Variants in ARHGEF4 observed in about 807,000 individuals in gnomAD.
ARHGEF4 encodes the protein Rho guanine nucleotide exchange factor 4, also known as APC-stimulated guanine nucleotide exchange factor 1.
A neutral mutation model predicts 162.0 loss-of-function variants in ARHGEF4; 119 were observed. The ratio of observed to expected loss-of-function variants is 0.73; its 90% confidence interval spans 0.63 to 0.86. The LOEUF (loss-of-function observed/expected upper bound fraction) is 0.86, where lower values mean the gene tolerates loss of function less well. ARHGEF4 is among the 40% of genes least tolerant of loss of function. The pLI is 0.00. For synonymous variants in ARHGEF4, 1,014 were observed against 979.9 expected, an observed-to-expected ratio of 1.03 and a Z score of -0.65; for missense variants, 2,488 against 2,456.0, an observed-to-expected ratio of 1.01 and a Z score of -0.28.
At chr2:130,877,122 G>A (rs1204272938) in intron 1 of ARHGEF4, among the ~76,000 whole-genome samples, 1 of 152,186 alleles carries the variant, frequency 6.6e-6, no homozygotes, top group Non-Finnish European at 1.5e-5. Flanking sequence ...ATGCCCTCCA[G>A]CTCACAGGGA....
chr2:130,942,215 T>A (rs1683352119), intron 3 of ARHGEF4, among the ~76,000 whole-genome samples: 1 of 148,660 alleles, frequency 6.7e-6, no homozygotes, highest in Non-Finnish European at 1.5e-5. Flanking sequence ...AGTGGTGTGA[T>A]ACCAGCTCAT....
intron 4 of ARHGEF4, among the ~76,000 whole-genome samples, chr2:130,947,800 G>C (rs6724388): frequency 0.98 from 149,584 of 152,308 alleles, 73,504 homozygotes; most frequent in Middle Eastern, 1. Flanking sequence ...GCTCAAGGCA[G>C]ATCTGTCTTC....
chr2:131,005,034 C>T (rs1483065192), intron 4 of ARHGEF4, among the ~76,000 whole-genome samples: 3 of 152,174 alleles, frequency 2.0e-5, no homozygotes, highest in Non-Finnish European at 4.4e-5. Flanking sequence ...GGAACAGCTG[C>T]AGCAAAGGGG....
At chr2:130,855,541 G>A (rs546919147) in intron 1 of ARHGEF4, among the ~76,000 whole-genome samples, 2 of 152,292 alleles carry the variant, frequency 1.3e-5, no homozygotes, top group East Asian at 1.9e-4. Flanking sequence ...GACAACCCAC[G>A]TGAAGTGTTA....
intron 4 of ARHGEF4, among the ~76,000 whole-genome samples, chr2:130,980,167 C>T (rs921496135): frequency 5.9e-5 from 9 of 152,126 alleles, no homozygotes; most frequent in African/African-American, 2.2e-4. Flanking sequence ...GATGCCGAGG[C>T]AGGTGGATCA....
chr2:131,034,955 C>A (rs1355624059), intron 5 of ARHGEF4: 3 of 983,048 alleles, frequency 3.1e-6, no homozygotes, highest in Non-Finnish European at 3.6e-6. Flanking sequence ...AGGCGCCGCG[C>A]GCACGGCGCC....
chr2:130,883,132 A>T (rs1052505697), intron 1 of ARHGEF4, among the ~76,000 whole-genome samples: 4 of 152,030 alleles, frequency 2.6e-5, no homozygotes, highest in African/African-American at 9.7e-5. Context: ...GAGATGCCAG[A>T]ACCTCTGTGC....
chr2:130,869,319 T>C (rs921686694), intron 1 of ARHGEF4, among the ~76,000 whole-genome samples: 5 of 152,110 alleles, frequency 3.3e-5, no homozygotes, highest in Non-Finnish European at 5.9e-5. Flanking sequence ...GAAAGAACAC[T>C]CAGGAGCTGT....
chr2:131,046,850 A>T lies in ARHGEF4; in HGVS notation c.*661A>T, dbSNP rs1691301697. 1 of 152,640 alleles carries T rather than the reference A, an allele frequency of 6.6e-6. No individual in the cohort carries two copies. The highest frequency in any genetic ancestry group is 1.5e-5 in the Non-Finnish European group (1 of 68,054). The allele number at this position is 152,640 out of a possible 1,614,324, so 9.5% of individuals were successfully genotyped here. A position where few individuals can be genotyped will look rare whatever the true frequency, so the allele number is the denominator to read the frequency against. ...ACGGTGCAGTCGGCTGCATACTCCCAGTCGGGAGTGTGGTCAGTCTGCCTG... is the reference window on the plus strand; with the variant it reads ...ACGGTGCAGTCGGCTGCATACTCCCTGTCGGGAGTGTGGTCAGTCTGCCTG... On this transcript the variant is annotated 3_prime_UTR_variant, in exon 14 of 14. Transcript: ENST00000409359.
intron 1 of ARHGEF4, among the ~76,000 whole-genome samples, chr2:130,883,750 A>G (rs781499632): frequency 3.9e-5 from 6 of 152,086 alleles, no homozygotes; most frequent in Non-Finnish European, 8.8e-5. Context: ...AGCCGTGGGC[A>G]CACTGGTCTT....
At chr2:130,854,358 C>T (rs923652658) in intron 1 of ARHGEF4, among the ~76,000 whole-genome samples, 1 of 152,118 alleles carries the variant, frequency 6.6e-6, no homozygotes, top group Non-Finnish European at 1.5e-5. Context: ...GAGGTCATCA[C>T]GCCCCACCTC....
chr2:130,893,672 G>A (rs576865617), intron 1 of ARHGEF4, among the ~76,000 whole-genome samples: 1 of 152,290 alleles, frequency 6.6e-6, no homozygotes, highest in South Asian at 2.1e-4. Context: ...TTTGCCTTCA[G>A]GACAGTCCAC....
intron 1 of ARHGEF4, among the ~76,000 whole-genome samples, chr2:130,879,233 A>C (rs1679045262): frequency 6.6e-6 from 1 of 152,234 alleles, no homozygotes; most frequent in Admixed American, 6.5e-5. Context: ...TTGTGTGCAG[A>C]TCTTTTTAAT....
intron 2 of ARHGEF4, among the ~76,000 whole-genome samples, chr2:130,926,430 G>A (rs1682292495): frequency 6.6e-6 from 1 of 152,054 alleles, no homozygotes; most frequent in South Asian, 2.1e-4. Flanking sequence ...TTCAAGTTGA[G>A]ATTTTCCCTG....
At chr2:130,965,265 TG>T (rs1489447385) in intron 4 of ARHGEF4, among the ~76,000 whole-genome samples, 1 of 152,228 alleles carries the variant, frequency 6.6e-6, no homozygotes, top group Admixed American at 6.5e-5. Flanking sequence ...CGGCTCTGGC[TG>T]GGTTGAGAGC....
intron 4 of ARHGEF4, among the ~76,000 whole-genome samples, chr2:130,983,099 C>T (rs1686238765): frequency 6.6e-6 from 1 of 152,114 alleles, no homozygotes; most frequent in Non-Finnish European, 1.5e-5. Flanking sequence ...AAAATAATTT[C>T]CAGATTTTAA....
chr2:130,849,282 C>G (rs984243692), intron 1 of ARHGEF4, among the ~76,000 whole-genome samples: 1 of 152,220 alleles, frequency 6.6e-6, no homozygotes, highest in African/African-American at 2.4e-5. Context: ...TGCATATTGT[C>G]ATGCCAGGGG....
intron 5 of ARHGEF4, among the ~76,000 whole-genome samples, chr2:131,028,689 C>G (rs1437364528): frequency 6.6e-6 from 1 of 152,224 alleles, no homozygotes; most frequent in Non-Finnish European, 1.5e-5. Flanking sequence ...TAACGCCCCT[C>G]TCTTTCTCAC....
rs1218087886 is a variant in ARHGEF4 at position 130,931,091 on chromosome 2, A to G, written c.3692A>G (p.Glu1231Gly). 1.9e-6 allele frequency: 3 copies of G among 1,614,050 alleles called. No homozygotes were observed. Among genetic ancestry groups the G allele is most frequent in the African/African-American group, 1.3e-5 (1 of 74,908 alleles). Residue 1231 changes from glutamate to glycine, a missense_variant, in exon 3 of 14, where the codon GAG becomes GGG. Around this residue, in one of 6 missense-constraint regions of ARHGEF4, gnomAD observed 1,642 missense variants for 1,481.5 expected, o/e 1.11. Transcript: ENST00000409359. ...VTWALLCISAETVRGEAPSQP... is the reference protein window; with the variant it reads ...VTWALLCISAGTVRGEAPSQP... ...TGGGCCCTCCTCTGCATCTCTGCAG[A>G]GACTGTGCGTGGGGAGGCTCCTTCA...
Sources: gnomAD v4.1 joint callset for allele counts (sites outside exome capture counted in the v4.1 genomes callset) on GRCh38, gnomAD v4.1.1 for gene constraint, gnomAD v4.1.1 regional missense constraint, MANE v1.5 for transcripts, NCBI Gene and HGNC (gene_info 2026-07-23, HGNC 2026-07-21) for gene names.